The following EGFLAM variants were observed in gnomAD, a reference collection of about 807,000 sequenced individuals.
The protein encoded by EGFLAM is EGF like, fibronectin type III and laminin G domains.
In EGFLAM, 79 loss-of-function variants were observed where a neutral mutation model predicts 113.1. That is an observed-to-expected ratio of 0.70 (90% CI 0.58 to 0.84). EGFLAM has a LOEUF of 0.84. Ranked by LOEUF, EGFLAM falls within the 40% of genes least tolerant of loss-of-function variation. EGFLAM has a pLI of 0.00. For missense variants in EGFLAM, 1,265 were observed against 1,291.6 expected, an observed-to-expected ratio of 0.98 and a Z score of 0.32; for synonymous variants, 504 against 487.6, an observed-to-expected ratio of 1.03 and a Z score of -0.44.
chr5:38,428,489 G>A (rs1412484400), intron 14 of EGFLAM, among the ~76,000 whole-genome samples: 1 of 152,228 alleles, frequency 6.6e-6, no homozygotes, highest in Admixed American at 6.5e-5. Flanking sequence ...GGATTTAATT[G>A]ATTCAATTTA....
intron 1 of EGFLAM, among the ~76,000 whole-genome samples, chr5:38,276,576 G>A (rs1757891775): frequency 6.6e-6 from 1 of 151,684 alleles, no homozygotes; most frequent in East Asian, 1.9e-4. Flanking sequence ...ATAAAGACTA[G>A]ATCAGAAATA....
At chr5:38,344,224 G>T (rs980972655) in intron 3 of EGFLAM, among the ~76,000 whole-genome samples, 10 of 152,216 alleles carry the variant, frequency 6.6e-5, no homozygotes, top group Non-Finnish European at 1.5e-4. Flanking sequence ...GGTGGCCCAC[G>T]CCTGTAATCC....
intron 1 of EGFLAM, among the ~76,000 whole-genome samples, chr5:38,330,371 C>T (rs1393987528): frequency 6.6e-6 from 1 of 152,152 alleles, no homozygotes; most frequent in Non-Finnish European, 1.5e-5. Flanking sequence ...GACCCATCGC[C>T]AGTCTTGCGG....
intron 6 of EGFLAM, among the ~76,000 whole-genome samples, chr5:38,379,660 G>A (rs1242657572): frequency 6.6e-6 from 1 of 151,988 alleles, no homozygotes; most frequent in East Asian, 1.9e-4. Flanking sequence ...CCACAGCAAA[G>A]CGGCTTGTGT....
chr5:38,315,352 CAT>C (rs940454315), intron 1 of EGFLAM, among the ~76,000 whole-genome samples: 3 of 152,194 alleles, frequency 2.0e-5, no homozygotes, highest in Non-Finnish European at 4.4e-5. Flanking sequence ...GTCAGTCATG[CAT>C]ATGTTTTCTC....
Position 38,448,293 on chromosome 5 carries a change from T to C in EGFLAM, c.2465-8T>C, listed in dbSNP as rs1742788697. The C allele has an allele frequency of 2.5e-6, 4 of 1,614,052 alleles. No individual in the cohort carries two copies. The highest frequency in any genetic ancestry group is 1.3e-5 in the African/African-American group (1 of 74,928). On this transcript the variant is annotated splice_polypyrimidine_tract_variant and splice_region_variant and intron_variant, in intron 17 of 21. Coordinates refer to ENST00000322350, the MANE Select transcript of EGFLAM (RefSeq NM_152403.4). ...ACTATGTAACCTCCTTTTTCTGTTC[T>C]GTCCCAGCGATCATAGAAGCCATTG...
intron 6 of EGFLAM, among the ~76,000 whole-genome samples, chr5:38,386,307 C>T (rs1330564772): frequency 6.6e-6 from 1 of 152,060 alleles, no homozygotes; most frequent in African/African-American, 2.4e-5. Context: ...AGCAATGTCT[C>T]CTGCCTCTCC....
In EGFLAM at chr5:38,352,554, G is replaced by A. The variant is rs561301896; in HGVS notation, c.545+223G>A. Among the ~76,000 whole-genome samples the A allele has an allele frequency of 5.7e-4, 87 of 152,062 alleles. 1 individual carries two copies. The highest frequency in any genetic ancestry group is 7.8e-4 in the Non-Finnish European group (53 of 68,004). On this transcript the variant is annotated intron_variant, in intron 5 of 21. Transcript: ENST00000322350. ...CTCAGCTACTCAGGAGGCTGAGGCAGGAGAAATGCTTGAACCCAGGAGGTG... is the reference window on the plus strand; with the variant it reads ...CTCAGCTACTCAGGAGGCTGAGGCAAGAGAAATGCTTGAACCCAGGAGGTG...
intron 1 of EGFLAM, among the ~76,000 whole-genome samples, chr5:38,336,166 A>G (rs1739175559): frequency 6.6e-6 from 1 of 152,266 alleles, no homozygotes; most frequent in Admixed American, 6.5e-5. Context: ...AATGATTTTA[A>G]TGATTGTAAA....
intron 1 of EGFLAM, among the ~76,000 whole-genome samples, chr5:38,316,982 T>C (rs1738612725): frequency 1.3e-5 from 2 of 152,178 alleles, no homozygotes; most frequent in Admixed American, 6.5e-5. Flanking sequence ...GGTAGTCTGC[T>C]TGCTTCCGGC....
At chr5:38,351,343 G>A (rs1739618731) in intron 4 of EGFLAM, among the ~76,000 whole-genome samples, 2 of 151,930 alleles carry the variant, frequency 1.3e-5, no homozygotes, top group Admixed American at 1.3e-4. Context: ...TCCTGACCTC[G>A]TGATCCACCT....
chr5:38,352,434 G>C, intron 5 of EGFLAM, 103 bp downstream of exon 5: 1 of 1,485,090 alleles, frequency 6.7e-7, no homozygotes, highest in South Asian at 1.2e-5. Context: ...AGATCACAAG[G>C]TCAGGAGTTC....
At chr5:38,325,453 T>C (rs1375143767) in intron 1 of EGFLAM, among the ~76,000 whole-genome samples, 1 of 152,128 alleles carries the variant, frequency 6.6e-6, no homozygotes, top group Non-Finnish European at 1.5e-5. Context: ...CAATAACATT[T>C]GAGAAACCGA....
At chr5:38,378,141 A>G (rs1740412870) in intron 6 of EGFLAM, among the ~76,000 whole-genome samples, 1 of 152,156 alleles carries the variant, frequency 6.6e-6, no homozygotes, top group African/African-American at 2.4e-5. Context: ...TCTGGCTCAA[A>G]TCAGATTTCT....
At chr5:38,331,238 C>G (rs1371460960) in intron 1 of EGFLAM, among the ~76,000 whole-genome samples, 1 of 152,152 alleles carries the variant, frequency 6.6e-6, no homozygotes, top group Non-Finnish European at 1.5e-5. Flanking sequence ...GGTGAACCTA[C>G]ATTGACACAT....
At chr5:38,412,373 T>C (rs1741508092) in intron 10 of EGFLAM, 131 bp from the exon 11 acceptor site, 1 of 1,343,730 alleles carries the variant, frequency 7.4e-7, no homozygotes, top group Non-Finnish European at 1.0e-6. Flanking sequence ...CAGCACTTGA[T>C]ATTCATAAAC....
At chr5:38,383,400 C>A (rs1740567906) in intron 6 of EGFLAM, among the ~76,000 whole-genome samples, 1 of 145,540 alleles carries the variant, frequency 6.9e-6, no homozygotes, top group African/African-American at 2.5e-5. Flanking sequence ...AGGCTACAAA[C>A]AAATTTGTCA....
chr5:38,277,140 G>A (rs927389735), intron 1 of EGFLAM, among the ~76,000 whole-genome samples: 3 of 152,086 alleles, frequency 2.0e-5, no homozygotes, highest in African/African-American at 4.8e-5. Flanking sequence ...AATATCCCCA[G>A]CAAACTTGAA....
At chr5:38,324,316 C>T (rs1738822943) in intron 1 of EGFLAM, among the ~76,000 whole-genome samples, 1 of 152,150 alleles carries the variant, frequency 6.6e-6, no homozygotes, top group Admixed American at 6.5e-5. Flanking sequence ...CTTTCTGTAC[C>T]TAAAACTTAT....
Sources: allele counts gnomAD v4.1 joint callset (sites outside exome capture counted in the v4.1 genomes callset), GRCh38; gene constraint gnomAD v4.1.1; transcripts MANE v1.5; gene names NCBI Gene and HGNC (gene_info 2026-07-23, HGNC 2026-07-21).